DNAH7: variants seen among roughly 807,000 people sequenced by gnomAD.
DNAH7 encodes the protein dynein axonemal heavy chain 7.
Under a neutral mutation model 444.6 loss-of-function variants are expected in DNAH7, and 397 were observed. The ratio of observed to expected loss-of-function variants is 0.89; its 90% CI spans 0.82 to 0.97. The LOEUF (loss-of-function observed/expected upper bound fraction) is 0.97, where lower values mean the gene tolerates loss of function less well. Among genes scored for constraint, DNAH7 ranks in the 50% least tolerant of loss-of-function variants. The pLI, the probability that DNAH7 is intolerant of heterozygous loss-of-function variation, is 0.00. For missense variants in DNAH7, 4,902 were observed against 4,800.8 expected, an observed-to-expected ratio of 1.02 and a Z score of -0.62; for synonymous variants, 1,636 against 1,624.4, an observed-to-expected ratio of 1.01 and a Z score of -0.17.
chr2:195,921,475 T>C (rs1688020783), intron 24 of DNAH7, among the ~76,000 whole-genome samples: 1 of 152,144 alleles, frequency 6.6e-6, no homozygotes, highest in African/African-American at 2.4e-5. Flanking sequence ...ACTGTTATTC[T>C]AAGTGAAGTA....
intron 19 of DNAH7, among the ~76,000 whole-genome samples, chr2:195,955,700 A>G (rs1690601364): frequency 6.6e-6 from 1 of 152,160 alleles, no homozygotes; most frequent in Non-Finnish European, 1.5e-5. Flanking sequence ...TCTTGGCAAT[A>G]TGGAATTTTG....
chr2:195,867,012 A>C (rs1464294270), intron 40 of DNAH7, among the ~76,000 whole-genome samples: 1 of 152,188 alleles, frequency 6.6e-6, no homozygotes, highest in African/African-American at 2.4e-5. Flanking sequence ...CATGATTGTG[A>C]GGCATCACTA....
At chr2:195,746,715 T>C (rs1322053958) in intron 63 of DNAH7, among the ~76,000 whole-genome samples, 2 of 152,078 alleles carry the variant, frequency 1.3e-5, no homozygotes, top group Non-Finnish European at 2.9e-5. Flanking sequence ...CTCAACTACA[T>C]GGAAACTCAA....
At chr2:195,904,670 CA>C (rs1686907005) in intron 27 of DNAH7, 1 of 152,058 alleles carries the variant, frequency 6.6e-6, no homozygotes, top group African/African-American at 2.4e-5. Context: ...TGAACTATTG[CA>C]ATAAGACATA....
intron 38 of DNAH7, among the ~76,000 whole-genome samples, chr2:195,874,162 C>T (rs1700887556): frequency 6.6e-6 from 1 of 152,138 alleles, no homozygotes; most frequent in African/African-American, 2.4e-5. Context: ...ATTCTTCCCC[C>T]ACATCTTGAA....
At position 195,879,970 on chromosome 2, in the gene DNAH7, T is replaced by G. The variant is rs79228866; in HGVS notation, c.5961+1825A>C. On this transcript the variant is annotated intron_variant, in intron 36 of 64. Transcript: ENST00000312428. ...AGCCAGTGTCTTCAGTTAATTTTTT[T>G]TTGTTGTATTGTTTTAACTTACATT... Among the ~76,000 whole-genome samples, 1,320 of 152,334 alleles carry G rather than the reference T, an allele frequency of 8.7e-3. 9 individuals carry two copies. The highest frequency in any genetic ancestry group is 0.014 in the Non-Finnish European group (964 of 68,024).
In DNAH7 at chr2:195,936,655, A is replaced by G; in HGVS notation, c.3216T>C (p.Phe1072=). 6.2e-7 allele frequency: 1 copy of G among 1,606,456 alleles called. No individual in the cohort carries two copies. Among genetic ancestry groups the G allele is most frequent in the Non-Finnish European group, 8.5e-7 (1 of 1,177,662 alleles). ...CAAGAAGTTCATCATTGGACAAAAA[A>G]AAGAATCTGGGGAAAAAGAGGCGTT... is the stretch of plus-strand genomic sequence containing the variant. ...EKKRLFFPRF[F]FLSNDELLEI... is the part of the protein sequence containing the mutation. Residue 1072 remains phenylalanine, a synonymous_variant, in exon 20 of 65, where the codon TTT becomes TTC. Coordinates refer to ENST00000312428, the MANE Select transcript of DNAH7 (RefSeq NM_018897.3).
At chr2:195,889,817 C>T (rs1701913193) in intron 31 of DNAH7, among the ~76,000 whole-genome samples, 1 of 152,154 alleles carries the variant, frequency 6.6e-6, no homozygotes, top group African/African-American at 2.4e-5. Flanking sequence ...CACATACATA[C>T]ACGTATACAC....
Position 195,857,465 on chromosome 2 carries a change from G to A in DNAH7, c.8326C>T (p.Pro2776Ser), listed in dbSNP as rs1699777751. The A allele has an allele frequency of 6.2e-7, 1 of 1,613,426 alleles. No homozygotes were observed. Among genetic ancestry groups the A allele is most frequent in the Non-Finnish European group, 8.5e-7 (1 of 1,179,846 alleles). The change falls in exon 44 of 65, where the codon CCA becomes TCA. Residue 2776 changes from proline (P) to serine (S), a missense_variant. Pro to Ser is a moderately conservative substitution (Grantham distance 74, BLOSUM62 -1). Coordinates refer to ENST00000312428, the MANE Select transcript of DNAH7 (RefSeq NM_018897.3). ...CTGATTTTTTCTGGTACAAAATCTGGATTTGGAATATAATTTTTTCTTATG... is the reference window on the plus strand; with the variant it reads ...CTGATTTTTTCTGGTACAAAATCTGAATTTGGAATATAATTTTTTCTTATG... ...NIIRKNYIPN[P>S]DFVPEKIRNA...
intron 17 of DNAH7, among the ~76,000 whole-genome samples, chr2:195,967,632 A>G (rs530358292): frequency 2.0e-5 from 3 of 152,188 alleles, no homozygotes; most frequent in Non-Finnish European, 2.9e-5. Flanking sequence ...ATTCTAGGGT[A>G]CAAGTTTTTT....
intron 22 of DNAH7, among the ~76,000 whole-genome samples, chr2:195,925,139 AT>A (rs533982826): frequency 0.16 from 23,948 of 148,522 alleles, 2,295 homozygotes; most frequent in African/African-American, 0.27. Context: ...ATCTTTTTTT[AT>A]TTTTTTTTTT....
chr2:195,942,473 G>A (rs1689522757), intron 19 of DNAH7, among the ~76,000 whole-genome samples: 1 of 151,640 alleles, frequency 6.6e-6, no homozygotes, highest in East Asian at 1.9e-4. Context: ...AGAGGAAGAG[G>A]AGGAGGAAGG....
intron 9 of DNAH7, among the ~76,000 whole-genome samples, chr2:196,016,279 G>A (rs1043927415): frequency 6.6e-6 from 1 of 152,022 alleles, no homozygotes; most frequent in Admixed American, 6.6e-5. Context: ...AAAATGAAAT[G>A]TACTAATTTA....
chr2:195,956,395 A>G (rs1294851291), intron 19 of DNAH7, among the ~76,000 whole-genome samples: 1 of 152,232 alleles, frequency 6.6e-6, no homozygotes, highest in African/African-American at 2.4e-5. Context: ...TCACGCCTGC[A>G]ATCCCAGCAT....
intron 24 of DNAH7, among the ~76,000 whole-genome samples, chr2:195,921,573 A>G (rs1301886534): frequency 6.6e-6 from 1 of 152,150 alleles, no homozygotes; most frequent in Non-Finnish European, 1.5e-5. Flanking sequence ...GAATGGCACA[A>G]TGGACTTTAG....
At chr2:196,002,824 A>G (rs1026159568) in intron 10 of DNAH7, among the ~76,000 whole-genome samples, 26 of 152,162 alleles carry the variant, frequency 1.7e-4, no homozygotes, top group African/African-American at 6.3e-4. Context: ...CCTGGCCAAC[A>G]TGGTGAAACC....
intron 58 of DNAH7, 84 bp from the exon 59 acceptor site, chr2:195,778,069 A>G: frequency 7.8e-7 from 1 of 1,287,746 alleles, no homozygotes; most frequent in Non-Finnish European, 1.0e-6. Flanking sequence ...TTACTAAATT[A>G]AACATCTTAC....
At chr2:196,034,909 A>C (rs1696287273) in intron 5 of DNAH7, among the ~76,000 whole-genome samples, 1 of 152,228 alleles carries the variant, frequency 6.6e-6, no homozygotes, top group African/African-American at 2.4e-5. Flanking sequence ...GGCCAGGCAC[A>C]GTGGCTCATG....
rs761416055 is a variant in DNAH7 at position 195,906,766 on chromosome 2, T to C, written c.4228A>G (p.Ile1410Val). The C allele has an allele frequency of 2.5e-6, 4 of 1,613,346 alleles. No individual in the cohort carries two copies. Among genetic ancestry groups the C allele is most frequent in the East Asian group, 2.2e-5 (1 of 44,876 alleles). Reference protein sequence around the residue: ...IQRGINAGADILMFEGTELKL... With the variant: ...IQRGINAGADVLMFEGTELKL... ...AGTTCAGTTCCTTCAAACATCAGTA[T>C]ATCAGCACCTGCATTAATACCTGTA... Residue 1410 changes from isoleucine to valine, a missense_variant, in exon 27 of 65, where the codon ATA (isoleucine) becomes GTA (valine). Ile to Val is a conservative substitution (Grantham distance 29, BLOSUM62 3). Coordinates refer to ENST00000312428, the MANE Select transcript of DNAH7 (RefSeq NM_018897.3).
Sources: allele counts gnomAD v4.1 joint callset (sites outside exome capture counted in the v4.1 genomes callset), GRCh38; gene constraint gnomAD v4.1.1; transcripts MANE v1.5; gene names NCBI Gene and HGNC (gene_info 2026-07-23, HGNC 2026-07-21).